Variants in RARA observed in about 807,000 individuals in gnomAD.
RARA encodes PML-DDX5-RARA fusion.
In RARA, 5 loss-of-function variants were observed where a neutral mutation model predicts 42.8. The ratio of observed to expected loss-of-function variants is 0.12; its 90% CI spans 0.06 to 0.25. The LOEUF is 0.25. RARA is among the 10% of genes least tolerant of loss of function. The pLI is 1.00. For missense variants in RARA, 402 were observed against 628.7 expected (o/e 0.64, Z 3.86); for synonymous variants, 256 against 259.5 (o/e 0.99, Z 0.13).
chr17:40,355,141 T>C lies in RARA; in HGVS notation c.1013-122T>C. Reference sequence around the variant, plus strand: ...GCAGCAGAGACCCCATGCCCTGCCCTGTGTGGGGAGGCGCCTGCGAGCTGC... The same window carrying C: ...GCAGCAGAGACCCCATGCCCTGCCCCGTGTGGGGAGGCGCCTGCGAGCTGC... On this transcript the variant is annotated intron_variant, in intron 7 of 8. Coordinates refer to ENST00000254066, the MANE Select transcript of RARA (RefSeq NM_000964.4). This position sits in a 1 kb window ranked among gnomAD's most constrained non-coding sequence, Gnocchi z 4.1. 1 of 1,241,048 alleles carries C rather than the reference T, an allele frequency of 8.1e-7. No individual in the cohort carries two copies. Among genetic ancestry groups the C allele is most frequent in the Non-Finnish European group, 1.1e-6 (1 of 912,908 alleles). The allele number at this position is 1,241,048 out of a possible 1,614,324, so 76.9% of individuals were successfully genotyped here. A position where few individuals can be genotyped will look rare whatever the true frequency, so the allele number is the denominator to read the frequency against.
At chr17:40,322,371 T>C (rs1234471308) in intron 1 of RARA, among the ~76,000 whole-genome samples, 1 of 151,968 alleles carries the variant, frequency 6.6e-6, no homozygotes, top group East Asian at 1.9e-4. Flanking sequence ...GAGATGAACC[T>C]GGAGGCTCAG....
Position 40,357,120 on chromosome 17 carries a change from C to A in RARA, c.*894C>A. 1 of 286,334 alleles carries A rather than the reference C, an allele frequency of 3.5e-6. No individual in the cohort carries two copies. The highest frequency in any genetic ancestry group is 6.7e-6 in the Non-Finnish European group (1 of 149,096). The allele number at this position is 286,334 out of a possible 1,614,324, so 17.7% of individuals were successfully genotyped here. ...GGCCTTGGCACTTGCCTGCACCCAC[C>A]ATGAGGCATGGAGCAGGGCAGAGCA... On this transcript the variant is annotated 3_prime_UTR_variant, in exon 9 of 9. Coordinates refer to ENST00000254066, the MANE Select transcript of RARA (RefSeq NM_000964.4).
At chr17:40,324,686 T>C (rs1242122352) in intron 1 of RARA, among the ~76,000 whole-genome samples, 1 of 152,144 alleles carries the variant, frequency 6.6e-6, no homozygotes, top group African/African-American at 2.4e-5. Flanking sequence ...TGTGGAGACA[T>C]TGGACCTATT....
At chr17:40,340,835 T>G (rs574839951) in intron 2 of RARA, 3 of 400,112 alleles carry the variant, frequency 7.5e-6, no homozygotes, top group South Asian at 1.3e-4. Context: ...TTGGCCTAGC[T>G]TGGTAAGAAC....
rs2034047086 is a variant in RARA at position 40,341,639 on chromosome 17, G to A, written c.179-6677G>A. 7 of 1,343,650 alleles carry A rather than the reference G, an allele frequency of 5.2e-6. No individual in the cohort carries two copies. The South Asian group carries it at 1.3e-4, about 25-fold the overall frequency. 83.2% of individuals were successfully genotyped at this position (1,343,650 alleles called of 1,614,324 possible). ...CGGTGGGTGGGTCACTCGGAGGTGA[G>A]GCGCCGCCAGGCGAGTTCAGCGAGA... On this transcript the variant is annotated intron_variant, in intron 2 of 8. Transcript: ENST00000254066.
intron 2 of RARA, among the ~76,000 whole-genome samples, chr17:40,337,107 T>A (rs913064421): frequency 6.6e-6 from 1 of 152,234 alleles, no homozygotes; most frequent in Non-Finnish European, 1.5e-5. Flanking sequence ...TTTTAATCCC[T>A]GCAATCCTGG....
Position 40,355,363 on chromosome 17 carries a change from C to G in RARA, c.1113C>G (p.Pro371=), listed in dbSNP as rs1305217007. ...TGCGGAAGCGGAGGCCCAGCCGCCCCCACATGTTCCCCAAGATGCTAATGA... is the reference window on the plus strand; with the variant it reads ...TGCGGAAGCGGAGGCCCAGCCGCCCGCACATGTTCCCCAAGATGCTAATGA... ...VYVRKRRPSR[P]HMFPKMLMKI... is the part of the protein sequence containing the mutation. Residue 371 remains proline, a synonymous_variant, in exon 8 of 9, where the codon CCC becomes CCG. Transcript: ENST00000254066. The surrounding 1 kb of genome is among the most constrained non-coding windows in gnomAD (Gnocchi z 4.1). 1 of 1,613,748 alleles carries G rather than the reference C, an allele frequency of 6.2e-7. No homozygotes were observed.
At chr17:40,330,476 C>G (rs2143270980) in intron 1 of RARA, among the ~76,000 whole-genome samples, 1 of 152,296 alleles carries the variant, frequency 6.6e-6, no homozygotes, top group Non-Finnish European at 1.5e-5. Flanking sequence ...CTCCCCCTCC[C>G]TCTTCCCCCC....
In RARA at chr17:40,352,728, A is replaced by G. The variant is rs928228594; in HGVS notation, c.807+221A>G. Among the ~76,000 whole-genome samples the G allele has an allele frequency of 6.6e-6, 1 of 151,922 alleles. No homozygotes were observed. The highest frequency in any genetic ancestry group is 2.4e-5 in the African/African-American group (1 of 41,352). On this transcript the variant is annotated intron_variant, in intron 6 of 8. Transcript: ENST00000254066. This position sits in a 1 kb window ranked among gnomAD's most constrained non-coding sequence, Gnocchi z 4.9. ...CAGATGTGCAGGAGCTCACCTGTTC[A>G]CCCATACACATATCCAGCCACCCAG...
rs1388895717 is a variant in RARA at position 40,351,749 on chromosome 17, G to C, written c.470-161G>C. On this transcript the variant is annotated intron_variant, in intron 4 of 8. Coordinates refer to ENST00000254066, the MANE Select transcript of RARA (RefSeq NM_000964.4). The surrounding 1 kb of genome is among the most constrained non-coding windows in gnomAD (Gnocchi z 4.1). ...GGTTGGGTGGGCATGGAGGGCTGGA[G>C]TGCGTGGCAATGCCTTGCCTGCCCG... is the stretch of plus-strand genomic sequence containing the variant. Among the ~76,000 whole-genome samples the C allele has an allele frequency of 6.6e-6, 1 of 152,154 alleles. No homozygotes were observed. The highest frequency in any genetic ancestry group is 2.4e-5 in the African/African-American group (1 of 41,418).
At chr17:40,315,118 ATATGCTTATATGTG>A (rs2033169579) in intron 1 of RARA, among the ~76,000 whole-genome samples, 1 of 127,758 alleles carries the variant, frequency 7.8e-6, no homozygotes, top group Non-Finnish European at 1.6e-5. Flanking sequence ...ATATATATAT[ATATGCTTATATGTG>A]TATATATATA....
intron 1 of RARA, among the ~76,000 whole-genome samples, chr17:40,321,495 G>T (rs1463758707): frequency 6.6e-6 from 1 of 152,196 alleles, no homozygotes; most frequent in Non-Finnish European, 1.5e-5. Context: ...TGGCATCATG[G>T]GGAAATGAAA....
chr17:40,319,527 A>ACCCCCCCACCCCCCGC (rs2033310596), intron 1 of RARA, among the ~76,000 whole-genome samples: 1 of 85,042 alleles, frequency 1.2e-5, no homozygotes, highest in African/African-American at 4.5e-5. Flanking sequence ...ACACCCCCCG[A>ACCCCCCCACCCCCCGC]CCCCCCCACC....
Position 40,331,003 on chromosome 17 carries a change from C to T in RARA, c.-216C>T. 1 of 529,800 alleles carries T rather than the reference C, an allele frequency of 1.9e-6. No individual in the cohort carries two copies. Among genetic ancestry groups the T allele is most frequent in the Non-Finnish European group, 3.3e-6 (1 of 304,094 alleles). 32.8% of individuals were successfully genotyped at this position (529,800 alleles called of 1,614,324 possible). A position where few individuals can be genotyped will look rare whatever the true frequency, so the allele number is the denominator to read the frequency against. ...TTGACCAAAGGACCGGCTCTTGAGA[C>T]ATCCCCCAACCCACCTGGCCCCCAG... On this transcript the variant is annotated 5_prime_UTR_variant, in exon 2 of 9. Coordinates refer to ENST00000254066, the MANE Select transcript of RARA (RefSeq NM_000964.4).
At chr17:40,341,088 C>T in intron 2 of RARA, 1 of 401,896 alleles carries the variant, frequency 2.5e-6, no homozygotes. Context: ...GATACCCCCT[C>T]CTCCAGGGGT....
intron 1 of RARA, among the ~76,000 whole-genome samples, chr17:40,314,839 C>A (rs967210544): frequency 6.6e-6 from 1 of 151,594 alleles, no homozygotes; most frequent in Non-Finnish European, 1.5e-5. Context: ...CCCAGCCATG[C>A]CTGCTAGGCA....
At chr17:40,319,823 C>CGGG (rs578041216) in intron 1 of RARA, among the ~76,000 whole-genome samples, 16 of 132,312 alleles carry the variant, frequency 1.2e-4, no homozygotes, top group African/African-American at 4.4e-4. Flanking sequence ...TGGAGGGGGC[C>CGGG]GGGGGGGGCG....
intron 4 of RARA, chr17:40,350,247 T>C: frequency 3.0e-6 from 1 of 330,772 alleles, no homozygotes; most frequent in Non-Finnish European, 5.7e-6. Context: ...AGGCCGTGCT[T>C]GGTTTTGGGG....
At chr17:40,311,495 C>T (rs1291912574) in intron 1 of RARA, among the ~76,000 whole-genome samples, 5 of 152,116 alleles carry the variant, frequency 3.3e-5, no homozygotes, top group Non-Finnish European at 5.9e-5. Context: ...GGCTGACCCC[C>T]GCCACCCCAT....
Sources: gnomAD v4.1 joint callset for allele counts (sites outside exome capture counted in the v4.1 genomes callset) on GRCh38, gnomAD v4.1.1 for gene constraint, Gnocchi (gnomAD v3.1) non-coding constraint, MANE v1.5 for transcripts, NCBI Gene and HGNC (gene_info 2026-07-23, HGNC 2026-07-21) for gene names.